DPYSL5: variants seen among roughly 807,000 people sequenced by gnomAD.
DPYSL5 encodes dihydropyrimidinase-related protein 5.
A neutral mutation model predicts 58.4 loss-of-function variants in DPYSL5; 9 were observed. The observed-to-expected ratio is 0.15, with a 90% CI of 0.09 to 0.27. The LOEUF (loss-of-function observed/expected upper bound fraction) is 0.27. Among genes scored for constraint, DPYSL5 ranks in the 10% least tolerant of loss-of-function variants. The pLI is 1.00. For synonymous variants in DPYSL5, 293 were observed against 301.9 expected (o/e 0.97, Z 0.31); for missense variants, 499 against 770.6 (o/e 0.65, Z 4.17).
rs972720540 is a variant in DPYSL5 at position 26,927,140 on chromosome 2, G to A, written c.421-113G>A. ...GATAGAGAGGTGTGGGGGGTCAACC[G>A]ACAGACTGAGCTGGGGCAGGCCCCA... is the stretch of plus-strand genomic sequence containing the variant. On this transcript the variant is annotated intron_variant, in intron 3 of 12. Coordinates refer to ENST00000288699, the MANE Select transcript of DPYSL5 (RefSeq NM_020134.4). This position sits in a 1 kb window ranked among gnomAD's most constrained non-coding sequence, Gnocchi z 4.3. The A allele has an allele frequency of 3.4e-6, 4 of 1,170,122 alleles. No homozygotes were observed. Among genetic ancestry groups the A allele is most frequent in the East Asian group, 2.6e-5 (1 of 38,536 alleles). 72.5% of individuals were successfully genotyped at this position (1,170,122 alleles called of 1,614,324 possible).
intron 1 of DPYSL5, among the ~76,000 whole-genome samples, chr2:26,863,761 C>G (rs1666076141): frequency 6.6e-6 from 1 of 152,194 alleles, no homozygotes; most frequent in South Asian, 2.1e-4. Flanking sequence ...CTGGCAACCA[C>G]TAATCTACGT....
At chr2:26,882,198 T>C (rs917241023) in intron 1 of DPYSL5, among the ~76,000 whole-genome samples, 6 of 152,286 alleles carry the variant, frequency 3.9e-5, no homozygotes, top group African/African-American at 1.4e-4. Flanking sequence ...TTCAATTTTT[T>C]TTCAAACAAT....
intron 2 of DPYSL5, among the ~76,000 whole-genome samples, chr2:26,899,317 G>GCTA (rs1486397219): frequency 6.6e-6 from 1 of 152,152 alleles, no homozygotes; most frequent in East Asian, 1.9e-4. Flanking sequence ...CTGGACCTGA[G>GCTA]CTACTGTAAG....
intron 1 of DPYSL5, among the ~76,000 whole-genome samples, chr2:26,880,681 C>A (rs1261719937): frequency 6.6e-6 from 1 of 152,214 alleles, no homozygotes; most frequent in Non-Finnish European, 1.5e-5. Context: ...TCCCCCAGCC[C>A]TTGACCAAAC....
intron 8 of DPYSL5, among the ~76,000 whole-genome samples, chr2:26,936,105 T>A (rs186908719): frequency 6.6e-5 from 10 of 152,154 alleles, no homozygotes; most frequent in Admixed American, 5.2e-4. Context: ...GTCTTCAGGG[T>A]GGACTGGTGA....
At chr2:26,852,163 G>A (rs575243417) in intron 1 of DPYSL5, among the ~76,000 whole-genome samples, 2 of 152,312 alleles carry the variant, frequency 1.3e-5, no homozygotes, top group Non-Finnish European at 2.9e-5. Flanking sequence ...TAATTCACAG[G>A]AATCCTGTAG....
chr2:26,881,739 G>A (rs1434253523), intron 1 of DPYSL5, among the ~76,000 whole-genome samples: 4 of 152,110 alleles, frequency 2.6e-5, no homozygotes, highest in Non-Finnish European at 4.4e-5. Context: ...GGGGTCTTAC[G>A]ACTCAGAAAT....
At chr2:26,884,520 T>TCACACACACACACA (rs3070961) in intron 1 of DPYSL5, among the ~76,000 whole-genome samples, 1 of 145,530 alleles carries the variant, frequency 6.9e-6, no homozygotes, top group Non-Finnish European at 1.5e-5. Context: ...TTGTCCTATC[T>TCACACACACACACA]CACACACACA....
chr2:26,878,763 C>A (rs2148122549), intron 1 of DPYSL5, among the ~76,000 whole-genome samples: 1 of 152,338 alleles, frequency 6.6e-6, no homozygotes, highest in African/African-American at 2.4e-5. Context: ...CAGCCGCTGT[C>A]CACTTTCCAC....
At chr2:26,860,516 C>T (rs1381186909) in intron 1 of DPYSL5, among the ~76,000 whole-genome samples, 1 of 152,206 alleles carries the variant, frequency 6.6e-6, no homozygotes, top group Non-Finnish European at 1.5e-5. Context: ...CCTTTTAACC[C>T]AGCAGTACCA....
chr2:26,879,258 T>C (rs1663491841), intron 1 of DPYSL5, among the ~76,000 whole-genome samples: 2 of 152,040 alleles, frequency 1.3e-5, no homozygotes, highest in Admixed American at 1.3e-4. Flanking sequence ...AGAGGAGAAA[T>C]TGATTTAGTA....
At chr2:26,863,229 C>G (rs1666061248) in intron 1 of DPYSL5, among the ~76,000 whole-genome samples, 1 of 152,224 alleles carries the variant, frequency 6.6e-6, no homozygotes, top group African/African-American at 2.4e-5. Context: ...CTGTGTGGAG[C>G]CATACTAGCC....
intron 9 of DPYSL5, among the ~76,000 whole-genome samples, chr2:26,940,952 TG>T (rs200688405): frequency 0.029 from 3,427 of 119,458 alleles, 64 homozygotes; most frequent in Non-Finnish European, 0.036. Context: ...TTTTTTTTTG[TG>T]TGTGATAGAA....
intron 1 of DPYSL5, among the ~76,000 whole-genome samples, chr2:26,878,410 A>G (rs984290203): frequency 9.9e-5 from 15 of 152,178 alleles, no homozygotes; most frequent in African/African-American, 1.4e-4. Context: ...GTTATATGAT[A>G]CACACCTGTC....
At chr2:26,923,473 CTT>C (rs1041336090) in intron 2 of DPYSL5, among the ~76,000 whole-genome samples, 1 of 152,176 alleles carries the variant, frequency 6.6e-6, no homozygotes, top group African/African-American at 2.4e-5. Flanking sequence ...TAGGTAAAGA[CTT>C]TGCATCCAGA....
intron 1 of DPYSL5, among the ~76,000 whole-genome samples, chr2:26,879,886 C>T (rs112252765): frequency 6.6e-6 from 1 of 151,636 alleles, no homozygotes; most frequent in Non-Finnish European, 1.5e-5. Context: ...TGCTGCCACT[C>T]GTTTGTTGTT....
At position 26,947,261 on chromosome 2, in the gene DPYSL5, C is replaced by G; in HGVS notation, c.*266C>G. 1 of 448,438 alleles carries G rather than the reference C, an allele frequency of 2.2e-6. No homozygotes were observed. Among genetic ancestry groups the G allele is most frequent in the Non-Finnish European group, 4.1e-6 (1 of 242,044 alleles). 27.8% of individuals were successfully genotyped at this position (448,438 alleles called of 1,614,324 possible). A position where few individuals can be genotyped will look rare whatever the true frequency, so the allele number is the denominator to read the frequency against. On this transcript the variant is annotated 3_prime_UTR_variant, in exon 13 of 13. Transcript: ENST00000288699. The surrounding 1 kb of genome is among the most constrained non-coding windows in gnomAD (Gnocchi z 4.2). ...TTTTCTGGGGCCCAGGAAGCCCACACTATGCACAGAGCCCAATGCATAGAG... is the reference window on the plus strand; with the variant it reads ...TTTTCTGGGGCCCAGGAAGCCCACAGTATGCACAGAGCCCAATGCATAGAG...
At chr2:26,860,658 A>C (rs903608567) in intron 1 of DPYSL5, among the ~76,000 whole-genome samples, 1 of 152,234 alleles carries the variant, frequency 6.6e-6, no homozygotes, top group Non-Finnish European at 1.5e-5. Flanking sequence ...AATGGAATGC[A>C]CTATGACACG....
intron 1 of DPYSL5, among the ~76,000 whole-genome samples, chr2:26,889,751 G>A (rs1212012960): frequency 1.3e-5 from 2 of 150,606 alleles, no homozygotes; most frequent in South Asian, 2.1e-4. Context: ...CCTTCTGGGC[G>A]ACTTTCCTGA....
Sources: gnomAD v4.1 joint callset for allele counts (sites outside exome capture counted in the v4.1 genomes callset) on GRCh38, gnomAD v4.1.1 for gene constraint, Gnocchi (gnomAD v3.1) non-coding constraint, MANE v1.5 for transcripts, NCBI Gene and HGNC (gene_info 2026-07-23, HGNC 2026-07-21) for gene names.